Variants in STRN observed in about 807,000 individuals in gnomAD.
STRN encodes protein phosphatase 2 regulatory subunit B'''alpha.
STRN carries 53 observed loss-of-function variants against 96.3 expected under a neutral mutation model. That is an observed-to-expected ratio of 0.55 (90% CI 0.44 to 0.69). The LOEUF is 0.69. Ranked by LOEUF, STRN falls within the 30% of genes least tolerant of loss-of-function variation. STRN has a pLI of 0.00. For synonymous variants in STRN, 428 were observed against 355.9 expected (o/e 1.20, Z -2.28); for missense variants, 987 against 963.9 (o/e 1.02, Z -0.32).
chr2:36,853,022 T>C (rs566874456), intron 15 of STRN, among the ~76,000 whole-genome samples: 134 of 152,248 alleles, frequency 8.8e-4, no homozygotes, highest in African/African-American at 3.0e-3. Context: ...CCAGATATGG[T>C]GGCACACGCC....
intron 1 of STRN, among the ~76,000 whole-genome samples, chr2:36,951,537 C>T (rs1254370137): frequency 6.6e-6 from 1 of 152,150 alleles, no homozygotes; most frequent in African/African-American, 2.4e-5. Context: ...TGGTAAATAT[C>T]AAAGATGTCT....
chr2:36,901,698 T>C (rs565438440), intron 5 of STRN, among the ~76,000 whole-genome samples: 5 of 152,296 alleles, frequency 3.3e-5, no homozygotes, highest in Admixed American at 3.3e-4. Context: ...AAATATAAGT[T>C]AATGTATGTT....
chr2:36,959,976 T>C lies in STRN; in HGVS notation c.234+6254A>G, dbSNP rs555612211. On this transcript the variant is annotated intron_variant, in intron 1 of 17. Coordinates refer to ENST00000263918, the MANE Select transcript of STRN (RefSeq NM_003162.4). ...AACACTGAACTGAAGAGACAAATAA[T>C]AGGATACGTTTTAAAAGATTAAAGC... is the stretch of plus-strand genomic sequence containing the variant. Among the ~76,000 whole-genome samples the C allele has an allele frequency of 2.1e-3, 327 of 152,182 alleles. 3 individuals are homozygous for C. The highest frequency in any genetic ancestry group is 7.3e-3 in the African/African-American group (305 of 41,544).
intron 2 of STRN, among the ~76,000 whole-genome samples, chr2:36,923,249 G>A (rs1239963485): frequency 1.3e-5 from 2 of 151,584 alleles, no homozygotes; most frequent in Non-Finnish European, 2.9e-5. Context: ...AGTAGTTCGA[G>A]ACCAGTCTGA....
intron 4 of STRN, 87 bp from the exon 5 acceptor site, chr2:36,902,838 C>A (rs1669724696): frequency 1.8e-6 from 2 of 1,128,934 alleles, no homozygotes; most frequent in Admixed American, 4.7e-5. Flanking sequence ...TATTTAAACT[C>A]ATTGCCTGCA....
chr2:36,849,653 A>G, intron 17 of STRN, 28 bp from the exon 18 acceptor site: 2 of 1,612,404 alleles, frequency 1.2e-6, no homozygotes, highest in Non-Finnish European at 8.5e-7. Context: ...ATTAAAAGGA[A>G]AAATTACATT....
At chr2:36,952,160 G>C (rs2148269638) in intron 1 of STRN, among the ~76,000 whole-genome samples, 1 of 152,266 alleles carries the variant, frequency 6.6e-6, no homozygotes, top group Non-Finnish European at 1.5e-5. Context: ...GTCTTACATT[G>C]GGAAAGGACT....
At chr2:36,875,750 G>A (rs369306160) in intron 10 of STRN, among the ~76,000 whole-genome samples, 4 of 150,014 alleles carry the variant, frequency 2.7e-5, no homozygotes, top group East Asian at 2.0e-4. Flanking sequence ...TCTGCCTCCC[G>A]GGTTCACGCC....
rs548809288 is a variant in STRN, at chr2:36,886,675, G to C, written c.1042+41C>G. On this transcript the variant is annotated intron_variant, in intron 8 of 17. Coordinates refer to ENST00000263918, the MANE Select transcript of STRN (RefSeq NM_003162.4). ...AAAAAAAAACTGGGGGATGTAAAGA[G>C]GCAAGATTTATGATTTACAGATACA... 28 of 1,491,232 alleles carry C rather than the reference G, an allele frequency of 1.9e-5. No homozygotes were observed. The Middle Eastern group carries it at 5.3e-4, about 28-fold the overall frequency. 92.4% of individuals were successfully genotyped at this position (1,491,232 alleles called of 1,614,324 possible).
At chr2:36,901,440 T>C (rs1465734062) in intron 5 of STRN, among the ~76,000 whole-genome samples, 1 of 151,456 alleles carries the variant, frequency 6.6e-6, no homozygotes, top group Non-Finnish European at 1.5e-5. Context: ...TAGTCTCAGC[T>C]ACTCGGGAGG....
chr2:36,860,582 A>G (rs557829805), intron 13 of STRN, among the ~76,000 whole-genome samples: 7 of 152,338 alleles, frequency 4.6e-5, no homozygotes, highest in Non-Finnish European at 1.0e-4. Flanking sequence ...AGTTTTTACA[A>G]ATGAATCTGT....
chr2:36,879,454 C>A (rs1187668862), intron 9 of STRN, among the ~76,000 whole-genome samples: 1 of 152,186 alleles, frequency 6.6e-6, no homozygotes, highest in Non-Finnish European at 1.5e-5. Context: ...TTGTGAATAA[C>A]CTGAAATATC....
intron 11 of STRN, 103 bp downstream of exon 11, chr2:36,869,451 G>T: frequency 9.1e-7 from 1 of 1,100,002 alleles, no homozygotes; most frequent in Non-Finnish European, 1.2e-6. Context: ...GAAAGAACTA[G>T]AAGAAATGTT....
rs1429936200 is a variant in STRN at position 36,848,577 on chromosome 2, A to T, written c.*879T>A. On this transcript the variant is annotated 3_prime_UTR_variant, in exon 18 of 18. Coordinates refer to ENST00000263918, the MANE Select transcript of STRN (RefSeq NM_003162.4). ...AAGATTTCATTGGTATGAAATAATC[A>T]CTCTGGTACTATAAATGTCACATGA... is the stretch of plus-strand genomic sequence containing the variant. 1 of 152,196 alleles carries T rather than the reference A, an allele frequency of 6.6e-6. No individual in the cohort carries two copies. 9.4% of individuals were successfully genotyped at this position (152,196 alleles called of 1,614,324 possible).
chr2:36,944,986 T>A (rs1166010126), intron 1 of STRN, among the ~76,000 whole-genome samples: 1 of 152,228 alleles, frequency 6.6e-6, no homozygotes, highest in Non-Finnish European at 1.5e-5. Context: ...GAAAGCAATG[T>A]GCAGTACTTA....
chr2:36,944,837 T>C (rs1187231007), intron 1 of STRN, among the ~76,000 whole-genome samples: 1 of 152,144 alleles, frequency 6.6e-6, no homozygotes, highest in Non-Finnish European at 1.5e-5. Context: ...ATCAGAGAAA[T>C]GCAAATTAAT....
chr2:36,966,315 G>C lies in STRN; in HGVS notation c.149C>G (p.Pro50Arg), dbSNP rs930137196. The change falls in exon 1 of 18, where the codon CCG becomes CGG. Residue 50 changes from proline (P) to arginine (R), a missense_variant. Physicochemically the swap from Pro to Arg is moderately radical, Grantham distance 103 (BLOSUM62 -2). Transcript: ENST00000263918. ...GTGCTGCAGGAAGTGCAGGATCCCCGGGAGACTGTACTGGGCTCGGGCCGC... is the reference window on the plus strand; with the variant it reads ...GTGCTGCAGGAAGTGCAGGATCCCCCGGAGACTGTACTGGGCTCGGGCCGC... Reference protein sequence around the residue: ...AGAARAQYSLPGILHFLQHEW... With the variant: ...AGAARAQYSLRGILHFLQHEW... 1.9e-6 allele frequency: 3 copies of C among 1,561,866 alleles called. No homozygotes were observed. The highest frequency in any genetic ancestry group is 2.8e-5 in the African/African-American group (2 of 71,592).
chr2:36,951,007 G>A (rs1355781665), intron 1 of STRN, among the ~76,000 whole-genome samples: 1 of 151,962 alleles, frequency 6.6e-6, no homozygotes, highest in Non-Finnish European at 1.5e-5. Context: ...ATCAGAAAAG[G>A]AGAATGCAAA....
intron 1 of STRN, among the ~76,000 whole-genome samples, chr2:36,956,291 T>C (rs919331660): frequency 6.6e-6 from 1 of 152,180 alleles, no homozygotes; most frequent in African/African-American, 2.4e-5. Flanking sequence ...ATATTTTGCA[T>C]ATTTATCTTT....
Sources: allele counts gnomAD v4.1 joint callset (sites outside exome capture counted in the v4.1 genomes callset), GRCh38; gene constraint gnomAD v4.1.1; transcripts MANE v1.5; gene names NCBI Gene and HGNC (gene_info 2026-07-23, HGNC 2026-07-21).